The following IDI1 variants were observed in gnomAD, a reference collection of about 807,000 sequenced individuals.
IDI1 encodes the protein isopentenyl-diphosphate delta isomerase 1, also known as isopentenyl-diphosphate Delta-isomerase 1.
IDI1 carries 23 observed loss-of-function variants against 32.9 expected under a neutral mutation model. That is an observed-to-expected ratio of 0.70 (90% CI 0.50 to 0.99). The LOEUF (loss-of-function observed/expected upper bound fraction) is 0.99, where lower values mean the gene tolerates loss of function less well. IDI1 is among the 50% of genes least tolerant of loss of function. The probability of loss-of-function intolerance (pLI) is 0.00; values close to 1 mark genes in which losing one functional copy is unlikely to be tolerated. For synonymous variants in IDI1, 133 were observed against 128.2 expected (o/e 1.04, Z -0.25); for missense variants, 326 against 351.9 (o/e 0.93, Z 0.59).
intron 1 of IDI1, among the ~76,000 whole-genome samples, chr10:1,045,105 G>A (rs544023799): frequency 6.6e-6 from 1 of 152,406 alleles, no homozygotes; most frequent in East Asian, 1.9e-4. Context: ...CAGCAGGCCA[G>A]ATTTGGCCTA....
chr10:1,052,116 C>A (rs1226666267), upstream of IDI1, among the ~76,000 whole-genome samples: 1 of 152,156 alleles, frequency 6.6e-6, no homozygotes, highest in Admixed American at 6.5e-5. Context: ...TGTGATCTGC[C>A]CACCTTGGCC....
At position 1,049,091 on chromosome 10, in the gene IDI1, C is replaced by A. The variant is rs1051735877; in HGVS notation, c.-88G>T. 1.6e-5 allele frequency: 23 copies of A among 1,408,042 alleles called. 2 individuals carry two copies. In the South Asian group the frequency reaches 3.5e-4, roughly 21 times the overall value. 87.2% of individuals were successfully genotyped at this position (1,408,042 alleles called of 1,614,324 possible). ...GTGCCACCTCCCTGGCCTGTGACAA[C>A]GGCAGACGCGCGAAGCACCGGGAAC... On this transcript the variant is annotated 5_prime_UTR_variant, in exon 1 of 5. Coordinates refer to ENST00000381344, the MANE Select transcript of IDI1 (RefSeq NM_004508.4).
At chr10:1,053,965 A>T (rs1280375777), upstream of IDI1, among the ~76,000 whole-genome samples, 1 of 152,196 alleles carries the variant, frequency 6.6e-6, no homozygotes, top group Non-Finnish European at 1.5e-5. Context: ...ATAGGGAGGC[A>T]GCTGGTCAGT....
At chr10:1,048,404 C>T (rs1047253819) in intron 1 of IDI1, 2 of 1,302,498 alleles carry the variant, frequency 1.5e-6, no homozygotes, top group Non-Finnish European at 2.0e-6. Flanking sequence ...TGCACGGACG[C>T]AGGTGTATGC....
At position 1,041,210 on chromosome 10, in the gene IDI1, G is replaced by A. The variant is rs1378407988; in HGVS notation, c.832C>T (p.His278Tyr). 6.9e-6 allele frequency: 11 copies of A among 1,601,780 alleles called. No homozygotes were observed. In the East Asian group the frequency reaches 2.0e-4, roughly 29 times the overall value. ...NLNHLNQFVD[H>Y]EKIYRM Reference sequence around the variant, plus strand: ...ATTCACATTCTGTATATTTTCTCATGGTCAACAAACTGATTCAAATGATTT... The same window carrying A: ...ATTCACATTCTGTATATTTTCTCATAGTCAACAAACTGATTCAAATGATTT... Residue 278 changes from histidine to tyrosine, a missense_variant, in exon 5 of 5, where the codon CAT (histidine) becomes TAT (tyrosine). Around this residue, in one of 2 missense-constraint regions of IDI1, gnomAD observed 205 missense variants for 273.5 expected, o/e 0.75. Coordinates refer to ENST00000381344, the MANE Select transcript of IDI1 (RefSeq NM_004508.4).
upstream of IDI1, among the ~76,000 whole-genome samples, chr10:1,052,619 TCAA>T (rs898752132): frequency 1.3e-5 from 2 of 152,184 alleles, no homozygotes; most frequent in African/African-American, 4.8e-5. Context: ...GCAGTAGGTC[TCAA>T]CAACAGTGGG....
intron 1 of IDI1, among the ~76,000 whole-genome samples, chr10:1,048,025 T>C (rs957892837): frequency 4.6e-5 from 7 of 152,150 alleles, no homozygotes; most frequent in African/African-American, 1.7e-4. Flanking sequence ...TGACTTTTTT[T>C]CCGGGGGGAT....
chr10:1,051,796 A>G (rs1833020215), upstream of IDI1, among the ~76,000 whole-genome samples: 2 of 152,334 alleles, frequency 1.3e-5, no homozygotes, highest in Admixed American at 6.5e-5. Context: ...TGGCTGTTGC[A>G]GTTTCTTAAA....
chr10:1,049,421 G>C (rs991270572), upstream of IDI1: 6 of 174,130 alleles, frequency 3.4e-5, 1 homozygote. Flanking sequence ...AATGGAAACG[G>C]AGGAAAGGCG....
In IDI1 at chr10:1,041,194, CTG is replaced by C. The variant is rs1201363945; in HGVS notation, c.846_847del (p.Tyr282Ter). On this transcript the variant is annotated stop_gained and frameshift_variant, in exon 5 of 5. Transcript: ENST00000381344. LOFTEE classifies it high-confidence loss of function. ...AATCATTTACCTACATATTCACATT[CTG>C]TATATTTTCTCATGGTCAACAAACT... 2.5e-6 allele frequency: 4 copies of C among 1,577,824 alleles called. No homozygotes were observed. The highest frequency in any genetic ancestry group is 3.5e-6 in the Non-Finnish European group (4 of 1,151,420).
Position 1,048,323 on chromosome 10 carries a change from G to A in IDI1, c.140+541C>T. 4 of 1,304,616 alleles carry A rather than the reference G, an allele frequency of 3.1e-6. No individual in the cohort carries two copies. In the South Asian group the frequency reaches 4.9e-5, roughly 16 times the overall value. The allele number at this position is 1,304,616 out of a possible 1,614,324, so 80.8% of individuals were successfully genotyped here. A position where few individuals can be genotyped will look rare whatever the true frequency, so the allele number is the denominator to read the frequency against. On this transcript the variant is annotated intron_variant, in intron 1 of 4. Transcript: ENST00000381344. ...AAGAAAAAGGTCTAGTTCCATCTAT[G>A]CGATGCTCCCCATCTCTTCTCCTGC... is the stretch of plus-strand genomic sequence containing the variant.
In IDI1 at chr10:1,048,983, C is replaced by T; in HGVS notation, c.21G>A (p.Leu7=). The stretch of plus-strand genomic sequence containing the variant: ...GGGCCGCGCAGCCAATCGCTCGCGC[C>T]AGCGCCAGTCCACGCCACATCGCCC... MWRGLA[L]ARAIGCAARG... is the part of the protein sequence containing the mutation. Residue 7 remains leucine, a synonymous_variant, in exon 1 of 5, where the codon CTG becomes CTA. Transcript: ENST00000381344. The T allele has an allele frequency of 2.6e-6, 4 of 1,528,006 alleles. No homozygotes were observed. The highest frequency in any genetic ancestry group is 3.5e-6 in the Non-Finnish European group (4 of 1,143,164). The allele number at this position is 1,528,006 out of a possible 1,614,324, so 94.7% of individuals were successfully genotyped here. A position where few individuals can be genotyped will look rare whatever the true frequency, so the allele number is the denominator to read the frequency against.
intron 1 of IDI1, among the ~76,000 whole-genome samples, chr10:1,046,349 A>G (rs1832809603): frequency 6.6e-6 from 1 of 152,298 alleles, no homozygotes; most frequent in South Asian, 2.1e-4. Context: ...CACCTTTTCT[A>G]TGTTTAGATA....
Position 1,041,161 on chromosome 10 carries a change from T to C in IDI1, c.*26A>G. 1.5e-6 allele frequency: 2 copies of C among 1,345,614 alleles called. No homozygotes were observed. The highest frequency in any genetic ancestry group is 2.1e-6 in the Non-Finnish European group (2 of 969,408). 83.4% of individuals were successfully genotyped at this position (1,345,614 alleles called of 1,614,324 possible). On this transcript the variant is annotated 3_prime_UTR_variant, in exon 5 of 5. Coordinates refer to ENST00000381344, the MANE Select transcript of IDI1 (RefSeq NM_004508.4). ...TTCTAAGTTTGTTAAGCAGATAAAT[T>C]TTTCTGTAATCATTTACCTACATAT...
upstream of IDI1, among the ~76,000 whole-genome samples, chr10:1,050,558 T>TA (rs1832980242): frequency 6.6e-6 from 1 of 152,230 alleles, no homozygotes; most frequent in Non-Finnish European, 1.5e-5. Context: ...GAGCTATACA[T>TA]ACATTTAAGA....
intron 1 of IDI1, chr10:1,048,196 G>A: frequency 7.9e-7 from 1 of 1,266,622 alleles, no homozygotes. Context: ...TCAGAATTCA[G>A]ATTTTAAAGC....
rs547478806 is a variant in IDI1, at chr10:1,046,356, G to A, written c.141-2185C>T. ...CAACACATCACCTTTTCTATGTTTA[G>A]ATACACAAATACTTGCTGTTGTGTT... is the stretch of plus-strand genomic sequence containing the variant. On this transcript the variant is annotated intron_variant, in intron 1 of 4. Coordinates refer to ENST00000381344, the MANE Select transcript of IDI1 (RefSeq NM_004508.4). Among the ~76,000 whole-genome samples, 16 of 152,250 alleles carry A rather than the reference G, an allele frequency of 1.1e-4. No individual in the cohort carries two copies. The South Asian group carries it at 3.3e-3, about 32-fold the overall frequency.
the IDI1 span, among the ~76,000 whole-genome samples, chr10:1,055,649 C>G: frequency 6.6e-6 from 1 of 152,036 alleles, no homozygotes; most frequent in Non-Finnish European, 1.5e-5. Flanking sequence ...CTTGGCGTTC[C>G]TCTTACAGAA....
At chr10:1,053,964 C>T (rs931689257), upstream of IDI1, among the ~76,000 whole-genome samples, 5 of 152,146 alleles carry the variant, frequency 3.3e-5, no homozygotes, top group Admixed American at 6.6e-5. Context: ...GATAGGGAGG[C>T]AGCTGGTCAG....
Sources: gnomAD v4.1 joint callset for allele counts (sites outside exome capture counted in the v4.1 genomes callset) on GRCh38, gnomAD v4.1.1 for gene constraint, gnomAD v4.1.1 regional missense constraint, MANE v1.5 for transcripts, NCBI Gene and HGNC (gene_info 2026-07-23, HGNC 2026-07-21) for gene names.